The following NOA1 variants were observed in gnomAD, a reference collection of about 807,000 sequenced individuals.
The protein encoded by NOA1 is nitric oxide associated 1, also known as nitric oxide-associated protein 1.
NOA1 carries 35 observed loss-of-function variants against 58.4 expected under a neutral mutation model. That is an observed-to-expected ratio of 0.60 (90% CI 0.46 to 0.79). NOA1 has a LOEUF of 0.79. NOA1 is among the 30% of genes least tolerant of loss of function. The pLI is 0.00. For synonymous variants in NOA1, 397 were observed against 373.4 expected (o/e 1.06, Z -0.73); for missense variants, 895 against 894.6 (o/e 1.00, Z -0.01).
chr4:56,965,064 A>C (rs901781994), intron 5 of NOA1, among the ~76,000 whole-genome samples: 1 of 151,584 alleles, frequency 6.6e-6, no homozygotes, highest in Non-Finnish European at 1.5e-5. Context: ...TAATGGCACG[A>C]TATCAGCTCA....
chr4:56,968,240 A>G, intron 4 of NOA1, 144 bp downstream of exon 4: 2 of 897,400 alleles, frequency 2.2e-6, no homozygotes, highest in South Asian at 3.3e-5. Flanking sequence ...TTATTACAGA[A>G]ATTTTTAAAC....
In NOA1 at chr4:56,976,586, A is replaced by G. The variant is rs976733587; in HGVS notation, c.1000T>C (p.Ser334Pro). 1 of 1,614,200 alleles carries G rather than the reference A, an allele frequency of 6.2e-7. No homozygotes were observed. Among genetic ancestry groups the G allele is most frequent in the Admixed American group, 1.7e-5 (1 of 60,034 alleles). Residue 334 changes from serine (S) to proline (P), a missense_variant, in exon 1 of 7, where the codon TCC (serine) becomes CCC (proline). By Grantham distance (74) the Ser-to-Pro change is moderately conservative. Coordinates refer to ENST00000264230, the MANE Select transcript of NOA1 (RefSeq NM_032313.4). ...TAGACGTCCCCACGGTAGCGCCAGG[A>G]GCGCTGAAGGGCAGAGATCAACTCT... ...VEELISALQR[S>P]WRYRGDVYLV...
chr4:56,976,346 G>T, intron 1 of NOA1, 96 bp downstream of exon 1: 1 of 1,049,708 alleles, frequency 9.5e-7, no homozygotes. Flanking sequence ...CAGGCAGCCC[G>T]CAGTGGACAT....
At position 56,976,649 on chromosome 4, in the gene NOA1, C is replaced by G; in HGVS notation, c.937G>C (p.Val313Leu). The G allele has an allele frequency of 1.2e-6, 2 of 1,614,108 alleles. No homozygotes were observed. The highest frequency in any genetic ancestry group is 1.7e-6 in the Non-Finnish European group (2 of 1,179,948). ...CCGGTCTTGGCGCTGATCAGCCGCA[C>G]GTCCCTGACCACTGTGCGGGACCAG... ...PNWSRTVVRDVRLISAKTGYG... is the reference protein window; with the variant it reads ...PNWSRTVVRDLRLISAKTGYG... The change falls in exon 1 of 7, where the codon GTG (valine) becomes CTG (leucine). Residue 313 changes from valine to leucine, a missense_variant. Val to Leu is a conservative substitution (Grantham distance 32). Around this residue, in one of 3 missense-constraint regions of NOA1, gnomAD observed 680 missense variants for 656.5 expected, o/e 1.04. Transcript: ENST00000264230.
Position 56,976,584 on chromosome 4 carries a change from G to C in NOA1, c.1002C>G (p.Ser334=). ...AGTAGACGTCCCCACGGTAGCGCCA[G>C]GAGCGCTGAAGGGCAGAGATCAACT... ...VEELISALQR[S]WRYRGDVYLV... The change falls in exon 1 of 7, where the codon TCC becomes TCG. Residue 334 remains serine (S), a synonymous_variant. Transcript: ENST00000264230. The C allele has an allele frequency of 6.2e-7, 1 of 1,614,272 alleles. No individual in the cohort carries two copies. The highest frequency in any genetic ancestry group is 8.5e-7 in the Non-Finnish European group (1 of 1,180,046).
At chr4:56,968,156 G>A (rs186075693) in intron 4 of NOA1, among the ~76,000 whole-genome samples, 1 of 152,172 alleles carries the variant, frequency 6.6e-6, no homozygotes, top group Non-Finnish European at 1.5e-5. Flanking sequence ...GGCCTCAAGT[G>A]ATCAGCCTGC....
intron 1 of NOA1, 50 bp downstream of exon 1, chr4:56,976,392 A>G (rs1196064595): frequency 6.5e-7 from 1 of 1,534,676 alleles, no homozygotes; most frequent in Non-Finnish European, 8.9e-7. Flanking sequence ...GGCCAGGACC[A>G]GACGTCCACC....
At chr4:56,976,365 G>A in intron 1 of NOA1, 77 bp downstream of exon 1, 4 of 1,286,390 alleles carry the variant, frequency 3.1e-6, no homozygotes, top group Non-Finnish European at 4.3e-6. Flanking sequence ...ATTAAGGGAG[G>A]ATGTACTCGG....
rs753604945 is a variant in NOA1 at position 56,977,597 on chromosome 4, T to G, written c.-12A>C. The G allele has an allele frequency of 5.0e-5, 78 of 1,552,488 alleles. No homozygotes were observed. Among genetic ancestry groups the G allele is most frequent in the Non-Finnish European group, 6.2e-5 (71 of 1,147,810 alleles). On this transcript the variant is annotated 5_prime_UTR_variant, in exon 1 of 7. Transcript: ENST00000264230. ...CGAGCGGGCAGCATGAGGAAGTAGC[T>G]CCAAAGGGGCGGAGCCACCAGCGCG...
rs761523794 is a variant in NOA1, at chr4:56,977,163, G to A, written c.423C>T (p.Cys141=). 1.3e-6 allele frequency: 2 copies of A among 1,557,814 alleles called. No homozygotes were observed. Among genetic ancestry groups the A allele is most frequent in the Non-Finnish European group, 1.7e-6 (2 of 1,155,590 alleles). The change falls in exon 1 of 7, where the codon TGC becomes TGT. Residue 141 remains cysteine (C), a synonymous_variant. Transcript: ENST00000264230. ...AGTGCAGCTCTGCCCCACAGCCCGA[G>A]CAGTTCACGCCGCTGGGCGGCAATG... ...DPALPPSGVN[C]SGCGAELHCQ...
chr4:56,968,455 G>A lies in NOA1; in HGVS notation c.1576C>T (p.Pro526Ser). The A allele has an allele frequency of 1.9e-6, 3 of 1,612,456 alleles. No individual in the cohort carries two copies. Among genetic ancestry groups the A allele is most frequent in the Non-Finnish European group, 2.5e-6 (3 of 1,179,316 alleles). ...NIVLPTQSIVPRTFVLKPGMV... is the reference protein window; with the variant it reads ...NIVLPTQSIVSRTFVLKPGMV... ...CCTGGTTTAAGCACAAAAGTTCTTG[G>A]AACAATGGACTGTGTTGGCAAAACA... Residue 526 changes from proline (P) to serine (S), a missense_variant, in exon 4 of 7, where the codon CCA becomes TCA. Pro to Ser is a moderately conservative substitution (Grantham distance 74). Around this residue, in one of 3 missense-constraint regions of NOA1, gnomAD observed 212 missense variants for 221.3 expected, o/e 0.96. Coordinates refer to ENST00000264230, the MANE Select transcript of NOA1 (RefSeq NM_032313.4).
At chr4:56,976,399 C>T (rs1435674245) in intron 1 of NOA1, 43 bp downstream of exon 1, 1 of 1,559,832 alleles carries the variant, frequency 6.4e-7, no homozygotes, top group African/African-American at 1.4e-5. Context: ...ACCAGACGTC[C>T]ACCTTGCCAG....
At position 56,965,166 on chromosome 4, in the gene NOA1, A is replaced by AT. The variant is rs916581418; in HGVS notation, c.1765-641dup. Among the ~76,000 whole-genome samples, 8 of 151,862 alleles carry AT rather than the reference A, an allele frequency of 5.3e-5. No homozygotes were observed. The East Asian group carries it at 5.8e-4, about 11-fold the overall frequency. On this transcript the variant is annotated intron_variant, in intron 5 of 6. Transcript: ENST00000264230. ...AGGCGCGCACCACCATACCAGGCCAATTTTTTTGTATTTTTAGTAGAAACA... is the reference window on the plus strand; with the variant it reads ...AGGCGCGCACCACCATACCAGGCCAATTTTTTTTGTATTTTTAGTAGAAACA...
In NOA1 at chr4:56,977,575, G is replaced by A; in HGVS notation, c.11C>T (p.Ala4Val). 1.9e-6 allele frequency: 3 copies of A among 1,588,224 alleles called. No homozygotes were observed. Among genetic ancestry groups the A allele is most frequent in the Non-Finnish European group, 2.6e-6 (3 of 1,166,230 alleles). Residue 4 changes from alanine to valine, a missense_variant, in exon 1 of 7, where the codon GCT (alanine) becomes GTT (valine). By Grantham distance (64) the Ala-to-Val change is moderately conservative (BLOSUM62 0). Around this residue, in one of 3 missense-constraint regions of NOA1, gnomAD observed 680 missense variants for 656.5 expected, o/e 1.04. Transcript: ENST00000264230. ...GCTCAGCAGCCTGAACGGTAGGCGA[G>A]CGGGCAGCATGAGGAAGTAGCTCCA... MLPARLPFRLLSLF... is the reference protein window; with the variant it reads MLPVRLPFRLLSLF...
intron 4 of NOA1, 133 bp from the exon 5 acceptor site, chr4:56,966,869 G>A (rs150283964): frequency 1.1e-4 from 68 of 643,090 alleles, no homozygotes; most frequent in African/African-American, 1.8e-4. Flanking sequence ...GTACTGGTAT[G>A]GCAGTAGCTG....
intron 5 of NOA1, 93 bp downstream of exon 5, chr4:56,966,527 C>A (rs1177954234): frequency 4.0e-6 from 3 of 747,620 alleles, no homozygotes; most frequent in African/African-American, 3.5e-5. Context: ...TATTGTATAA[C>A]AGTTCTGTAC....
In NOA1 at chr4:56,976,913, C is replaced by G. The variant is rs776105212; in HGVS notation, c.673G>C (p.Asp225His). The G allele has an allele frequency of 1.2e-6, 2 of 1,611,686 alleles. No homozygotes were observed. Among genetic ancestry groups the G allele is most frequent in the Non-Finnish European group, 1.7e-6 (2 of 1,179,796 alleles). The stretch of plus-strand genomic sequence containing the variant: ...TCGGGCAGCAGGGCGTCGGGCAGGT[C>G]CAGCAGGTCCACCATGTAGAGCACC... ...SLVLYMVDLL[D>H]LPDALLPDLP... The change falls in exon 1 of 7, where the codon GAC becomes CAC. Residue 225 changes from aspartate (D) to histidine (H), a missense_variant. Asp to His is a moderately conservative substitution (Grantham distance 81, BLOSUM62 -1). Around this residue, in one of 3 missense-constraint regions of NOA1, gnomAD observed 680 missense variants for 656.5 expected, o/e 1.04. Coordinates refer to ENST00000264230, the MANE Select transcript of NOA1 (RefSeq NM_032313.4).
chr4:56,970,293 G>A (rs1721789383), intron 3 of NOA1, among the ~76,000 whole-genome samples: 1 of 151,858 alleles, frequency 6.6e-6, no homozygotes, highest in Non-Finnish European at 1.5e-5. Context: ...GCAACATAGC[G>A]AGGTCCTGTC....
chr4:56,966,641 A>G lies in NOA1; in HGVS notation c.1743T>C (p.His581=), dbSNP rs757819841. 8 of 1,611,788 alleles carry G rather than the reference A, an allele frequency of 5.0e-6. No homozygotes were observed. The highest frequency in any genetic ancestry group is 6.8e-6 in the Non-Finnish European group (8 of 1,177,898). Residue 581 remains histidine (H), a synonymous_variant, in exon 5 of 7, where the codon CAT becomes CAC. Transcript: ENST00000264230. ...LDRADALYQK[H]AGHTLLQIPM... ...TTACCTGGAGTAACGTATGACCTGC[A>G]TGCTTCTGATACAGAGCGTCTGCCC...
Sources: gnomAD v4.1 joint callset for allele counts (sites outside exome capture counted in the v4.1 genomes callset) on GRCh38, gnomAD v4.1.1 for gene constraint, gnomAD v4.1.1 regional missense constraint, MANE v1.5 for transcripts, NCBI Gene and HGNC (gene_info 2026-07-23, HGNC 2026-07-21) for gene names.